The following TET1 variants were observed in gnomAD, a reference collection of about 807,000 sequenced individuals.
The protein encoded by TET1 is tet methylcytosine dioxygenase 1, also known as methylcytosine dioxygenase TET1.
Under a neutral mutation model 148.7 loss-of-function variants are expected in TET1, and 13 were observed. That is an observed-to-expected ratio of 0.09 (90% confidence interval 0.06 to 0.14). The LOEUF (loss-of-function observed/expected upper bound fraction) is 0.14, where lower values mean the gene tolerates loss of function less well. Among genes scored for constraint, TET1 ranks in the 10% least tolerant of loss-of-function variants. TET1 has a pLI of 1.00. For missense variants in TET1, 2,182 were observed against 2,553.8 expected (o/e 0.85, Z 3.14); for synonymous variants, 907 against 937.2 (o/e 0.97, Z 0.59).
intron 2 of TET1, among the ~76,000 whole-genome samples, chr10:68,588,440 T>C (rs1484883564): frequency 6.6e-6 from 1 of 152,156 alleles, no homozygotes; most frequent in African/African-American, 2.4e-5. Context: ...CTTAAGAACA[T>C]AGTTGATCTG....
intron 3 of TET1, among the ~76,000 whole-genome samples, chr10:68,608,809 T>C (rs1160463591): frequency 1.3e-5 from 2 of 152,188 alleles, no homozygotes; most frequent in Admixed American, 1.3e-4. Context: ...GTGTTGGGAT[T>C]ACAGGCATGA....
At chr10:68,624,602 C>CTT (rs1554937995) in intron 3 of TET1, among the ~76,000 whole-genome samples, 27 of 113,946 alleles carry the variant, frequency 2.4e-4, no homozygotes, top group African/African-American at 5.6e-4. Flanking sequence ...TTTTCTTTTT[C>CTT]TCTTTCTTTC....
At chr10:68,638,658 C>T (rs1027715298) in intron 3 of TET1, among the ~76,000 whole-genome samples, 8 of 151,954 alleles carry the variant, frequency 5.3e-5, no homozygotes, top group South Asian at 2.1e-4. Context: ...GAACAGACTT[C>T]GAAAGGCTTT....
At chr10:68,659,647 T>C (rs1303050644) in intron 6 of TET1, among the ~76,000 whole-genome samples, 1 of 152,248 alleles carries the variant, frequency 6.6e-6, no homozygotes, top group Non-Finnish European at 1.5e-5. Context: ...ATGTTTTTCT[T>C]TACTTAAGCT....
intron 3 of TET1, among the ~76,000 whole-genome samples, chr10:68,601,620 A>G (rs1237602326): frequency 2.0e-5 from 3 of 152,216 alleles, no homozygotes; most frequent in African/African-American, 4.8e-5. Flanking sequence ...CCTGATGAGT[A>G]TTAATAGTAA....
chr10:68,561,464 T>C (rs1238783127), intron 1 of TET1, among the ~76,000 whole-genome samples: 1 of 152,106 alleles, frequency 6.6e-6, no homozygotes, highest in African/African-American at 2.4e-5. Flanking sequence ...TTTAAGAAAC[T>C]CATTTATGAG....
At position 68,633,235 on chromosome 10, in the gene TET1, T is replaced by C. The variant is rs140661135; in HGVS notation, c.1969-11463T>C. 6.1e-4 allele frequency among the ~76,000 whole-genome samples: 93 copies of C among 152,302 alleles called. No individual in the cohort carries two copies. The East Asian group carries it at 0.017, about 27-fold the overall frequency. On this transcript the variant is annotated intron_variant, in intron 3 of 11. Coordinates refer to ENST00000373644, the MANE Select transcript of TET1 (RefSeq NM_030625.3). ...GTGTTGTTGAAGTCTGCCTTCTATA[T>C]TGAGCCTTTACAGTATGAGTGAACA...
intron 3 of TET1, among the ~76,000 whole-genome samples, chr10:68,632,173 T>A (rs183340390): frequency 7.5e-4 from 114 of 151,588 alleles, no homozygotes; most frequent in Non-Finnish European, 2.4e-4. Flanking sequence ...TACAAAAAAA[T>A]TAGCGGGGCG....
intron 2 of TET1, among the ~76,000 whole-genome samples, chr10:68,587,918 A>T (rs536790054): frequency 6.6e-6 from 1 of 152,184 alleles, no homozygotes; most frequent in East Asian, 1.9e-4. Flanking sequence ...TCACTCTATC[A>T]CCCAGGCTGG....
chr10:68,601,493 G>A (rs1371788373), intron 3 of TET1, among the ~76,000 whole-genome samples: 1 of 152,132 alleles, frequency 6.6e-6, no homozygotes, highest in African/African-American at 2.4e-5. Context: ...TGTAAGTAGT[G>A]GAGATCTTAC....
chr10:68,611,854 GAGAGAGGGAGAGA>G (rs778905644), intron 3 of TET1, among the ~76,000 whole-genome samples: 1 of 125,350 alleles, frequency 8.0e-6, no homozygotes, highest in Non-Finnish European at 1.7e-5. Flanking sequence ...GGGGGGTGGG[GAGAGAGGGAGAGA>G]GAGAGAGAGA....
chr10:68,686,337 A>C lies in TET1; in HGVS notation c.5053-19A>C, dbSNP rs756715300. 6.4e-7 allele frequency: 1 copy of C among 1,561,224 alleles called. No homozygotes were observed. The highest frequency in any genetic ancestry group is 8.7e-7 in the Non-Finnish European group (1 of 1,152,028). Reference sequence around the variant, plus strand: ...ACGACCCGTATATCTTTCCCATTTCATGTTTTTCTCCCTATCAGGTTTGTA... The same window carrying C: ...ACGACCCGTATATCTTTCCCATTTCCTGTTTTTCTCCCTATCAGGTTTGTA... On this transcript the variant is annotated intron_variant, in intron 10 of 11. Coordinates refer to ENST00000373644, the MANE Select transcript of TET1 (RefSeq NM_030625.3).
intron 1 of TET1, among the ~76,000 whole-genome samples, chr10:68,562,713 A>G (rs888861965): frequency 7.4e-6 from 1 of 135,586 alleles, no homozygotes; most frequent in African/African-American, 2.7e-5. Flanking sequence ...CCCAGAATAG[A>G]TGGGTGGGAG....
At chr10:68,632,940 A>AT (rs953078892) in intron 3 of TET1, among the ~76,000 whole-genome samples, 2 of 151,648 alleles carry the variant, frequency 1.3e-5, no homozygotes, top group African/African-American at 4.9e-5. Flanking sequence ...TGGTATTTGA[A>AT]TTTTAAAAAA....
intron 2 of TET1, among the ~76,000 whole-genome samples, chr10:68,599,140 G>A (rs2054022538): frequency 6.6e-6 from 1 of 152,216 alleles, no homozygotes; most frequent in South Asian, 2.1e-4. Flanking sequence ...AGGGATTAAG[G>A]GTGATGAAAT....
intron 2 of TET1, among the ~76,000 whole-genome samples, chr10:68,583,349 C>T (rs958365500): frequency 1.3e-5 from 2 of 152,138 alleles, no homozygotes; most frequent in Non-Finnish European, 2.9e-5. Context: ...GAGAAAGCAT[C>T]TCCTTTTGCA....
In TET1 at chr10:68,691,379, G is replaced by A; in HGVS notation, c.5976G>A (p.Glu1992=). 4.3e-6 allele frequency: 7 copies of A among 1,614,174 alleles called. 1 individual carries two copies. In the South Asian group the frequency reaches 5.5e-5, roughly 13 times the overall value. ...AGGAGAAATTGCCCCACATTGATGAGTATTGGTCAGACAGTGAGCACATCT... is the reference window on the plus strand; with the variant it reads ...AGGAGAAATTGCCCCACATTGATGAATATTGGTCAGACAGTGAGCACATCT... ...PAEEKLPHID[E]YWSDSEHIFL... The change falls in exon 12 of 12, where the codon GAG becomes GAA. Residue 1992 remains glutamate (E), a synonymous_variant. Transcript: ENST00000373644. This position sits in a 1 kb window ranked among gnomAD's most constrained non-coding sequence, Gnocchi z 4.4.
chr10:68,616,351 C>T (rs1327929926), intron 3 of TET1, among the ~76,000 whole-genome samples: 6 of 150,370 alleles, frequency 4.0e-5, no homozygotes, highest in African/African-American at 1.5e-4. Context: ...TTTGCATTTG[C>T]TGATGATTAC....
chr10:68,635,367 G>A (rs866224457), intron 3 of TET1, among the ~76,000 whole-genome samples: 17 of 152,196 alleles, frequency 1.1e-4, no homozygotes, highest in Middle Eastern at 3.4e-3. Flanking sequence ...GCTAAAGTGA[G>A]AGGACTGCTT....
Sources: allele counts gnomAD v4.1 joint callset (sites outside exome capture counted in the v4.1 genomes callset), GRCh38; gene constraint gnomAD v4.1.1; non-coding constraint Gnocchi (gnomAD v3.1); transcripts MANE v1.5; gene names NCBI Gene and HGNC (gene_info 2026-07-23, HGNC 2026-07-21).